The following ZNF17 variants were observed in gnomAD, a reference collection of about 807,000 sequenced individuals.
ZNF17 encodes the protein zinc finger protein 17, also known as zinc finger protein 17 (HPF3, KOX 10).
A neutral mutation model predicts 7.7 loss-of-function variants in ZNF17; 4 were observed. That is an observed-to-expected ratio of 0.52 (90% CI 0.26 to 1.20). The LOEUF (loss-of-function observed/expected upper bound fraction) is 1.20. Among genes scored for constraint, ZNF17 ranks in the 50% most tolerant of loss-of-function variants. The probability of loss-of-function intolerance (pLI) is 0.14; values close to 1 mark genes in which losing one functional copy is unlikely to be tolerated. For synonymous variants in ZNF17, 249 were observed against 258.8 expected (o/e 0.96, Z 0.36); for missense variants, 738 against 799.5 (o/e 0.92, Z 0.93).
chr19:57,411,643 G>C, intron 1 of ZNF17: 1 of 1,361,070 alleles, frequency 7.3e-7, no homozygotes, highest in Non-Finnish European at 9.4e-7. Flanking sequence ...TGTCTCCACG[G>C]AGCTGAGGGT....
In ZNF17 at chr19:57,411,795, C is replaced by T. The variant is rs926617552; in HGVS notation, c.-21+389C>T. ...AGGACAAGGGGACCGCTGAGGAGAC[C>T]CCTTGAGTTATGGTAGGGATGGGCC... On this transcript the variant is annotated intron_variant, in intron 1 of 3. Coordinates refer to ENST00000307658, the MANE Select transcript of ZNF17 (RefSeq NM_001330617.2). 3 of 570,144 alleles carry T rather than the reference C, an allele frequency of 5.3e-6. No homozygotes were observed. The African/African-American group carries it at 5.9e-5, about 11-fold the overall frequency. 35.3% of individuals were successfully genotyped at this position (570,144 alleles called of 1,614,324 possible). A position where few individuals can be genotyped will look rare whatever the true frequency, so the allele number is the denominator to read the frequency against.
chr19:57,415,259 G>A (rs1212665569), intron 2 of ZNF17, among the ~76,000 whole-genome samples: 1 of 152,204 alleles, frequency 6.6e-6, no homozygotes, highest in Non-Finnish European at 1.5e-5. Flanking sequence ...GCAAGAGGGA[G>A]TCAGGAATGG....
In ZNF17 at chr19:57,419,811, C is replaced by T; in HGVS notation, c.325C>T (p.Pro109Ser). ...CCTGGCTGAGCATGACGGAACACAC[C>T]CCAAGCGTACAGCCAAGCTTTACCT... Reference protein sequence around the residue: ...LHLAEHDGTHPKRTAKLYLHQ... With the variant: ...LHLAEHDGTHSKRTAKLYLHQ... Residue 109 changes from proline to serine, a missense_variant, in exon 4 of 4, where the codon CCC (proline) becomes TCC (serine). By Grantham distance (74) the Pro-to-Ser change is moderately conservative (BLOSUM62 -1). Transcript: ENST00000307658. The T allele has an allele frequency of 6.2e-7, 1 of 1,614,134 alleles. No homozygotes were observed. Among genetic ancestry groups the T allele is most frequent in the South Asian group, 1.1e-5 (1 of 91,082 alleles).
chr19:57,418,172 G>C (rs909580144), intron 3 of ZNF17, 134 bp downstream of exon 3: 87 of 1,188,294 alleles, frequency 7.3e-5, no homozygotes, highest in Non-Finnish European at 9.9e-5. Flanking sequence ...TGTTGTGGCA[G>C]CTACAGCTGG....
chr19:57,419,835 C>G lies in ZNF17; in HGVS notation c.349C>G (p.Leu117Val), dbSNP rs750283102. 1.1e-5 allele frequency: 18 copies of G among 1,614,076 alleles called. No individual in the cohort carries two copies. Among genetic ancestry groups the G allele is most frequent in the Non-Finnish European group, 1.3e-5 (15 of 1,180,034 alleles). Residue 117 changes from leucine (L) to valine (V), a missense_variant, in exon 4 of 4, where the codon CTG (leucine) becomes GTG (valine). This residue lies in a region of ZNF17 where 616 missense variants were observed against 663.9 expected (regional missense o/e 0.93). Coordinates refer to ENST00000307658, the MANE Select transcript of ZNF17 (RefSeq NM_001330617.2). ...CCCCAAGCGTACAGCCAAGCTTTAC[C>G]TGCACCAAAAGGAGCATCTTAGAGA... ...THPKRTAKLY[L>V]HQKEHLREKL...
chr19:57,414,796 C>T (rs936255593), intron 2 of ZNF17, among the ~76,000 whole-genome samples: 11 of 149,536 alleles, frequency 7.4e-5, no homozygotes, highest in African/African-American at 1.2e-4. Context: ...CTGCAAGCTT[C>T]GCTTCCTGGG....
rs2088836268 is a variant in ZNF17 at position 57,419,885 on chromosome 19, G to C, written c.399G>C (p.Gly133=). The C allele has an allele frequency of 1.2e-6, 2 of 1,614,090 alleles. No homozygotes were observed. Among genetic ancestry groups the C allele is most frequent in the Non-Finnish European group, 1.7e-6 (2 of 1,180,050 alleles). The change falls in exon 4 of 4, where the codon GGG becomes GGC. Residue 133 remains glycine, a synonymous_variant. Coordinates refer to ENST00000307658, the MANE Select transcript of ZNF17 (RefSeq NM_001330617.2). ...LREKLTRSDE[G]RPSFVNDSVH... ...AGAAGCTCACCAGAAGTGATGAAGG[G>C]AGGCCTTCGTTTGTGAATGACAGTG...
intron 2 of ZNF17, among the ~76,000 whole-genome samples, chr19:57,415,816 C>T (rs561568420): frequency 6.6e-6 from 1 of 152,220 alleles, no homozygotes; most frequent in East Asian, 1.9e-4. Context: ...CTGGGAGGGG[C>T]TTAGTACCCT....
intron 2 of ZNF17, 71 bp downstream of exon 2, chr19:57,413,707 T>C: frequency 6.6e-7 from 1 of 1,506,506 alleles, no homozygotes; most frequent in Non-Finnish European, 8.9e-7. Context: ...GGAATGGTGT[T>C]ATCCTGAGAC....
At chr19:57,415,756 A>C (rs1398964290) in intron 2 of ZNF17, among the ~76,000 whole-genome samples, 2 of 152,054 alleles carry the variant, frequency 1.3e-5, no homozygotes, top group African/African-American at 4.8e-5. Context: ...GTGCACATAA[A>C]AGTTGGATGG....
Position 57,420,992 on chromosome 19 carries a change from C to T in ZNF17, c.1506C>T (p.Cys502=). 1 of 1,614,108 alleles carries T rather than the reference C, an allele frequency of 6.2e-7. No individual in the cohort carries two copies. Among genetic ancestry groups the T allele is most frequent in the Non-Finnish European group, 8.5e-7 (1 of 1,180,022 alleles). ...ACACTGGAGAAAGACCTTTTGAATG[C>T]AGCATTTGTGGGAAATCCTTTAGAT... ...RVHTGERPFE[C]SICGKSFRCR... Residue 502 remains cysteine (C), a synonymous_variant, in exon 4 of 4, where the codon TGC becomes TGT. Transcript: ENST00000307658.
At chr19:57,419,551 G>A (rs1179708191) in intron 3 of ZNF17, 84 bp from the exon 4 acceptor site, 3 of 1,416,762 alleles carry the variant, frequency 2.1e-6, no homozygotes, top group Non-Finnish European at 2.9e-6. Context: ...GGTCTTATTT[G>A]TGAGTTGGTC....
At chr19:57,413,026 C>G (rs1225565624) in intron 1 of ZNF17, among the ~76,000 whole-genome samples, 1 of 151,970 alleles carries the variant, frequency 6.6e-6, no homozygotes, top group Non-Finnish European at 1.5e-5. Flanking sequence ...TACAGACATG[C>G]GCCACCATGC....
In ZNF17 at chr19:57,420,670, A is replaced by T. The variant is rs769633366; in HGVS notation, c.1184A>T (p.Lys395Ile). The T allele has an allele frequency of 1.2e-6, 2 of 1,614,000 alleles. No homozygotes were observed. Among genetic ancestry groups the T allele is most frequent in the Non-Finnish European group, 1.7e-6 (2 of 1,179,978 alleles). The change falls in exon 4 of 4, where the codon AAA becomes ATA. Residue 395 changes from lysine to isoleucine, a missense_variant. Around this residue, in one of 3 missense-constraint regions of ZNF17, gnomAD observed 616 missense variants for 663.9 expected, o/e 0.93. Coordinates refer to ENST00000307658, the MANE Select transcript of ZNF17 (RefSeq NM_001330617.2). The part of the protein sequence containing the change: ...EKPYECNECG[K>I]FFRYRSTLIR... ...CCTTATGAATGCAACGAATGTGGGAAATTCTTTAGATACCGTTCCACACTC... is the reference window on the plus strand; with the variant it reads ...CCTTATGAATGCAACGAATGTGGGATATTCTTTAGATACCGTTCCACACTC...
chr19:57,419,456 G>C lies in ZNF17; in HGVS notation c.149-179G>C, dbSNP rs368797933. 6 of 629,370 alleles carry C rather than the reference G, an allele frequency of 9.5e-6. No homozygotes were observed. The East Asian group carries it at 1.7e-4, about 18-fold the overall frequency. The allele number at this position is 629,370 out of a possible 1,614,324, so 39.0% of individuals were successfully genotyped here. On this transcript the variant is annotated intron_variant, in intron 3 of 3. Transcript: ENST00000307658. The stretch of plus-strand genomic sequence containing the variant: ...TGTTCCCCATCATCAGGACTCTTTC[G>C]TTATGGGTTTCTGTCAGTCCCGGTT...
intron 1 of ZNF17, chr19:57,413,359 C>T (rs1006327594): frequency 2.1e-5 from 11 of 530,272 alleles, no homozygotes; most frequent in Non-Finnish European, 3.4e-5. Flanking sequence ...GTGTGTACTA[C>T]TTATATTTGA....
chr19:57,417,215 T>A (rs2088816216), intron 2 of ZNF17, among the ~76,000 whole-genome samples: 1 of 152,084 alleles, frequency 6.6e-6, no homozygotes, highest in African/African-American at 2.4e-5. Flanking sequence ...AATAGCGGAT[T>A]TGGTCAGGTG....
Position 57,421,355 on chromosome 19 carries a change from C to G in ZNF17, c.1869C>G (p.Tyr623Ter). The G allele has an allele frequency of 6.2e-7, 1 of 1,614,082 alleles. No homozygotes were observed. The highest frequency in any genetic ancestry group is 8.5e-7 in the Non-Finnish European group (1 of 1,180,006). The change falls in exon 4 of 4, where the codon TAC becomes TAG. Residue 623 changes from tyrosine (Y) to a stop codon, truncating the protein, a stop_gained. Coordinates refer to ENST00000307658, the MANE Select transcript of ZNF17 (RefSeq NM_001330617.2). LOFTEE classifies it low-confidence loss of function (END_TRUNC). ...ECSECGKVFR[Y>*]NSSLIKHRRI... is the part of the protein sequence containing the mutation. The stretch of plus-strand genomic sequence containing the variant: ...GTGAATGTGGGAAAGTCTTTAGATA[C>G]AACTCCAGCCTCATTAAACATCGGA...
At position 57,411,372 on chromosome 19, in the gene ZNF17, T is replaced by G; in HGVS notation, c.-55T>G. On this transcript the variant is annotated 5_prime_UTR_variant, in exon 1 of 4. Transcript: ENST00000307658. ...CTCCCGCCCCGCTCTTCCCTGGCTG[T>G]GCTGGCGGAGGCTGCGCCGATGAAC... 1 of 1,612,550 alleles carries G rather than the reference T, an allele frequency of 6.2e-7. No homozygotes were observed. The highest frequency in any genetic ancestry group is 8.5e-7 in the Non-Finnish European group (1 of 1,179,404).
Sources: allele counts gnomAD v4.1 joint callset (sites outside exome capture counted in the v4.1 genomes callset), GRCh38; gene constraint gnomAD v4.1.1; regional missense constraint gnomAD v4.1.1; transcripts MANE v1.5; gene names NCBI Gene and HGNC (gene_info 2026-07-23, HGNC 2026-07-21).